The following ATP11C variants were observed in gnomAD, a reference collection of about 807,000 sequenced individuals.
The protein encoded by ATP11C is ATPase phospholipid transporting 11C (ATP11C blood group).
In ATP11C, 36 loss-of-function variants were observed where a neutral mutation model predicts 97.4. The observed-to-expected ratio is 0.37, with a 90% confidence interval of 0.28 to 0.49. ATP11C has a LOEUF of 0.49. Ranked by LOEUF, ATP11C falls within the 20% of genes least tolerant of loss-of-function variation. ATP11C has a pLI of 0.98. For missense variants in ATP11C, 730 were observed against 824.6 expected (o/e 0.89, Z 1.40); for synonymous variants, 275 against 290.9 (o/e 0.95, Z 0.56).
rs979638589 is a variant in ATP11C at position 139,905,824 on chromosome X, C to G, written c.27+26192G>C. 3.6e-5 allele frequency among the ~76,000 whole-genome samples: 4 copies of G among 111,577 alleles called. No homozygotes were observed. In the East Asian group the frequency reaches 1.1e-3, roughly 31 times the overall value. ...GGCTACTAAGCAAGATTTGGAAGAT[C>G]AAGGGCAAAAATGAATGGAAGATCA... On this transcript the variant is annotated intron_variant, in intron 1 of 29. Coordinates refer to ENST00000682941, the MANE Select transcript of ATP11C (RefSeq NM_001353812.2).
At chrX:139,783,366 T>C in intron 16 of ATP11C, 99 bp from the exon 17 acceptor site, 2 of 559,961 alleles carry the variant, frequency 3.6e-6, no homozygotes, top group Non-Finnish European at 5.8e-6. Context: ...ACCCAAGTGT[T>C]GTATATTCTG....
At chrX:139,729,544 T>G (rs2081301394) in intron 29 of ATP11C, among the ~76,000 whole-genome samples, 1 of 111,927 alleles carries the variant, frequency 8.9e-6, no homozygotes, top group South Asian at 3.7e-4. Flanking sequence ...TTTTGGTAGA[T>G]CATGTATCTA....
At chrX:139,821,491 C>T (rs2083408146) in intron 2 of ATP11C, among the ~76,000 whole-genome samples, 1 of 112,390 alleles carries the variant, frequency 8.9e-6, no homozygotes, top group African/African-American at 3.2e-5. Flanking sequence ...GTACGTTACC[C>T]TTCTGTTCCC....
chrX:139,808,617 C>G (rs2083098065), intron 5 of ATP11C, among the ~76,000 whole-genome samples: 1 of 111,139 alleles, frequency 9.0e-6, no homozygotes, highest in Admixed American at 9.6e-5. Flanking sequence ...TTCTATATAG[C>G]CAGAAAAATA....
intron 3 of ATP11C, among the ~76,000 whole-genome samples, chrX:139,817,724 G>A (rs1490273382): frequency 1.8e-5 from 2 of 112,090 alleles, no homozygotes; most frequent in South Asian, 7.5e-4. Context: ...TGATGGGCTT[G>A]GACTAGTGTT....
At chrX:139,731,875 A>G (rs1278764846) in intron 28 of ATP11C, 120 bp from the exon 29 acceptor site, 3 of 310,684 alleles carry the variant, frequency 9.7e-6, no homozygotes, top group Non-Finnish European at 1.7e-5. Context: ...TCCTCTGGCC[A>G]AAAGTACAAA....
At chrX:139,763,687 T>A (rs908161631) in intron 20 of ATP11C, among the ~76,000 whole-genome samples, 1 of 112,469 alleles carries the variant, frequency 8.9e-6, no homozygotes, top group Non-Finnish European at 1.9e-5. Context: ...ATAGCTGTCA[T>A]ACTGTATTGT....
At chrX:139,907,503 C>T (rs2084998641) in intron 1 of ATP11C, among the ~76,000 whole-genome samples, 1 of 111,142 alleles carries the variant, frequency 9.0e-6, no homozygotes. Context: ...AATCCCAGCA[C>T]TTTGGGAGGC....
intron 19 of ATP11C, among the ~76,000 whole-genome samples, chrX:139,771,807 T>C (rs193117257): frequency 6.3e-5 from 7 of 111,894 alleles, no homozygotes; most frequent in African/African-American, 2.3e-4. Context: ...AAAGGTAATC[T>C]AGATGCTGTT....
At chrX:139,840,309 T>G (rs1348988103) in intron 1 of ATP11C, among the ~76,000 whole-genome samples, 1 of 112,488 alleles carries the variant, frequency 8.9e-6, no homozygotes, top group Non-Finnish European at 1.9e-5. Context: ...AAACTTTGTA[T>G]AGTCTACTAC....
intron 1 of ATP11C, among the ~76,000 whole-genome samples, chrX:139,827,209 C>T (rs755173116): frequency 3.4e-4 from 38 of 112,082 alleles, no homozygotes; most frequent in Non-Finnish European, 6.6e-4. Context: ...ATTTATTATG[C>T]AACTACTGAG....
intron 1 of ATP11C, among the ~76,000 whole-genome samples, chrX:139,882,774 C>G (rs1243459264): frequency 1.8e-5 from 2 of 111,518 alleles, no homozygotes; most frequent in African/African-American, 6.5e-5. Flanking sequence ...TCCTGTGTGT[C>G]TGTTTTTCAG....
chrX:139,807,032 G>T (rs373557323), intron 5 of ATP11C, among the ~76,000 whole-genome samples: 1 of 110,859 alleles, frequency 9.0e-6, no homozygotes, highest in Non-Finnish European at 1.9e-5. Context: ...TTACTATGAG[G>T]GGGGAGGATA....
chrX:139,738,141 A>ATGTCC, intron 27 of ATP11C, 72 bp from the exon 28 acceptor site: 1 of 905,795 alleles, frequency 1.1e-6, no homozygotes, highest in Non-Finnish European at 1.5e-6. Flanking sequence ...ATTTAATTAA[A>ATGTCC]ATGTCGTTTG....
chrX:139,760,864 T>C (rs1322637271), intron 22 of ATP11C, among the ~76,000 whole-genome samples: 1 of 112,254 alleles, frequency 8.9e-6, no homozygotes, highest in Non-Finnish European at 1.9e-5. Flanking sequence ...TGCAAAGCAA[T>C]ATGTATTATA....
intron 1 of ATP11C, among the ~76,000 whole-genome samples, chrX:139,858,870 T>C (rs945626122): frequency 8.9e-6 from 1 of 112,125 alleles, no homozygotes; most frequent in African/African-American, 3.2e-5. Flanking sequence ...AATAATACCA[T>C]GGTTTTTAAC....
At chrX:139,748,626 G>A (rs985892648) in intron 24 of ATP11C, among the ~76,000 whole-genome samples, 8 of 111,293 alleles carry the variant, frequency 7.2e-5, no homozygotes, top group Admixed American at 9.6e-5. Flanking sequence ...GCTGATGCTT[G>A]TAAGATTTCT....
intron 1 of ATP11C, among the ~76,000 whole-genome samples, chrX:139,846,355 A>C (rs1240432379): frequency 8.9e-6 from 1 of 112,188 alleles, no homozygotes; most frequent in Admixed American, 9.5e-5. Context: ...CTCTGGACTT[A>C]ATTTAGAGAA....
In ATP11C at chrX:139,932,757, C is replaced by A. The variant is rs2085463273; in HGVS notation, c.-715G>T. 8.9e-6 allele frequency: 1 copy of A among 112,021 alleles called. No homozygotes were observed. Among genetic ancestry groups the A allele is most frequent in the Admixed American group, 9.3e-5 (1 of 10,793 alleles). The allele number at this position is 112,021 out of a possible 1,213,427, so 9.2% of individuals were successfully genotyped here. A position where few individuals can be genotyped will look rare whatever the true frequency, so the allele number is the denominator to read the frequency against. ...AGGGAGCCTGGGTACAGCCAACCGGCCCGCCCTGAGCCAGCCGACGGCCAG... is the reference window on the plus strand; with the variant it reads ...AGGGAGCCTGGGTACAGCCAACCGGACCGCCCTGAGCCAGCCGACGGCCAG... On this transcript the variant is annotated 5_prime_UTR_variant, in exon 1 of 30. Transcript: ENST00000682941.
Sources: allele counts gnomAD v4.1 joint callset (sites outside exome capture counted in the v4.1 genomes callset), GRCh38; gene constraint gnomAD v4.1.1; transcripts MANE v1.5; gene names NCBI Gene and HGNC (gene_info 2026-07-23, HGNC 2026-07-21).